Variants in UGGT1 observed in about 807,000 individuals in gnomAD.
UGGT1 encodes the protein UDP-glucose glycoprotein glucosyltransferase 1, also known as UDP-glucose:glycoprotein glucosyltransferase 1.
Under a neutral mutation model 203.9 loss-of-function variants are expected in UGGT1, and 107 were observed. The observed-to-expected ratio is 0.52, with a 90% CI of 0.45 to 0.62. The LOEUF (loss-of-function observed/expected upper bound fraction) is 0.62. Among genes scored for constraint, UGGT1 ranks in the 20% least tolerant of loss-of-function variants. The pLI is 0.00. For missense variants in UGGT1, 1,673 were observed against 1,867.2 expected (o/e 0.90, Z 1.92); for synonymous variants, 628 against 653.5 (o/e 0.96, Z 0.59).
In UGGT1 at chr2:128,121,295, C is replaced by A; in HGVS notation, c.1070C>A (p.Ala357Asp). The A allele has an allele frequency of 2.5e-6, 4 of 1,607,522 alleles. No homozygotes were observed. The highest frequency in any genetic ancestry group is 3.4e-6 in the Non-Finnish European group (4 of 1,177,016). ...KDLSQNFPTK[A>D]RAITKTAVSS... The stretch of plus-strand genomic sequence containing the variant: ...CTTAGTCAGAATTTTCCTACCAAAG[C>A]CAGGTAATGTAGAATAATGCTCTTC... Residue 357 changes from alanine (A) to aspartate (D), a missense_variant, in exon 10 of 41, where the codon GCC (alanine) becomes GAC (aspartate). Ala to Asp is a moderately radical substitution (Grantham distance 126). Coordinates refer to ENST00000259253, the MANE Select transcript of UGGT1 (RefSeq NM_020120.4).
intron 13 of UGGT1, among the ~76,000 whole-genome samples, 168 bp from the exon 14 acceptor site, chr2:128,132,973 C>T (rs1405460598): frequency 1.3e-5 from 2 of 152,136 alleles, no homozygotes; most frequent in African/African-American, 2.4e-5. Flanking sequence ...TTCCAAAGTG[C>T]TAGGATTACA....
At chr2:128,181,584 C>T (rs1016303045) in intron 36 of UGGT1, among the ~76,000 whole-genome samples, 3 of 152,108 alleles carry the variant, frequency 2.0e-5, no homozygotes, top group Admixed American at 6.5e-5. Context: ...CACTTCAGCC[C>T]GAGCGGGCGG....
At chr2:128,180,275 GT>G (rs1691623342) in intron 35 of UGGT1, among the ~76,000 whole-genome samples, 1 of 152,150 alleles carries the variant, frequency 6.6e-6, no homozygotes, top group Non-Finnish European at 1.5e-5. Flanking sequence ...AACAAAACAC[GT>G]ACTTGGAATG....
At chr2:128,134,090 G>T (rs1284351256) in intron 14 of UGGT1, among the ~76,000 whole-genome samples, 1 of 152,156 alleles carries the variant, frequency 6.6e-6, no homozygotes, top group Admixed American at 6.5e-5. Context: ...AGGCTGGAGT[G>T]CAGTGGCAGG....
chr2:128,164,421 C>G (rs2122115), intron 25 of UGGT1, among the ~76,000 whole-genome samples: 20,382 of 152,102 alleles, frequency 0.13, 1,770 homozygotes, highest in Non-Finnish European at 0.19. Context: ...TTTAAAAGGA[C>G]AAGGGAGAAT....
intron 13 of UGGT1, among the ~76,000 whole-genome samples, chr2:128,129,587 CG>C (rs374299212): frequency 6.0e-4 from 91 of 151,936 alleles, no homozygotes; most frequent in African/African-American, 2.1e-3. Context: ...TTAGTATAGA[CG>C]GGGTTTCACA....
chr2:128,108,154 C>T, intron 4 of UGGT1, 86 bp downstream of exon 4: 1 of 1,483,648 alleles, frequency 6.7e-7, no homozygotes, highest in South Asian at 1.3e-5. Flanking sequence ...AATTGAATTA[C>T]AGAGCTATTA....
At chr2:128,131,161 A>C (rs1364265849) in intron 13 of UGGT1, among the ~76,000 whole-genome samples, 1 of 138,814 alleles carries the variant, frequency 7.2e-6, no homozygotes, top group Non-Finnish European at 1.5e-5. Context: ...TGAATTCGGG[A>C]GGCAGAGGTT....
At position 128,113,268 on chromosome 2, in the gene UGGT1, G is replaced by A; in HGVS notation, c.696+10G>A. The A allele has an allele frequency of 6.4e-7, 1 of 1,573,240 alleles. No homozygotes were observed. The highest frequency in any genetic ancestry group is 8.7e-7 in the Non-Finnish European group (1 of 1,155,132). ...CAGACATTATATATTTGTAAGTATT[G>A]ACTTATTTTACACCTGTTTTGAATG... On this transcript the variant is annotated intron_variant, in intron 6 of 40. Coordinates refer to ENST00000259253, the MANE Select transcript of UGGT1 (RefSeq NM_020120.4).
chr2:128,112,240 A>G (rs1283796310), intron 5 of UGGT1, among the ~76,000 whole-genome samples: 5 of 150,976 alleles, frequency 3.3e-5, no homozygotes, highest in East Asian at 2.0e-4. Context: ...GGCCAACATG[A>G]TGAAACACTG....
chr2:128,169,274 G>A (rs959970390), intron 26 of UGGT1, among the ~76,000 whole-genome samples: 1 of 152,060 alleles, frequency 6.6e-6, no homozygotes, highest in African/African-American at 2.4e-5. Context: ...AGGAGGCTAA[G>A]TTGAGAGGAT....
chr2:128,137,813 T>C (rs114695828), intron 15 of UGGT1, among the ~76,000 whole-genome samples: 106 of 152,388 alleles, frequency 7.0e-4, no homozygotes, highest in African/African-American at 2.5e-3. Flanking sequence ...TCTTTGTCCA[T>C]TGAAATGCCT....
At chr2:128,117,991 TGTGAGAGA>T (rs1221774463) in intron 8 of UGGT1, among the ~76,000 whole-genome samples, 1 of 83,090 alleles carries the variant, frequency 1.2e-5, no homozygotes, top group Non-Finnish European at 3.2e-5. Context: ...TGTGTGTGTG[TGTGAGAGA>T]GAGAGAGAGA....
chr2:128,184,094 C>G (rs114115531), intron 38 of UGGT1, among the ~76,000 whole-genome samples: 2 of 152,122 alleles, frequency 1.3e-5, no homozygotes, highest in African/African-American at 4.8e-5. Flanking sequence ...TCAAACTAAT[C>G]TCATAGGTTT....
chr2:128,135,985 CAGA>C (rs1229013257), intron 15 of UGGT1, among the ~76,000 whole-genome samples: 2 of 152,284 alleles, frequency 1.3e-5, no homozygotes, highest in African/African-American at 2.4e-5. Flanking sequence ...TATAAGGACA[CAGA>C]AGAAGTTGGG....
intron 39 of UGGT1, among the ~76,000 whole-genome samples, chr2:128,187,065 T>C (rs1021871303): frequency 7.2e-5 from 11 of 152,158 alleles, no homozygotes; most frequent in Non-Finnish European, 4.4e-5. Context: ...AATATTCTTA[T>C]AAATATTCTT....
intron 18 of UGGT1, chr2:128,151,287 CT>C: frequency 1.7e-6 from 1 of 588,200 alleles, no homozygotes; most frequent in Non-Finnish European, 3.2e-6. Flanking sequence ...CCTTGGCCTG[CT>C]TCTTGGGCTG....
At chr2:128,174,176 T>C (rs1054912468) in intron 30 of UGGT1, among the ~76,000 whole-genome samples, 6 of 152,206 alleles carry the variant, frequency 3.9e-5, no homozygotes, top group Admixed American at 1.3e-4. Context: ...TGAAAATAGA[T>C]TGCTCATGAG....
intron 40 of UGGT1, among the ~76,000 whole-genome samples, chr2:128,187,913 AC>A (rs1692067078): frequency 1.3e-5 from 2 of 151,060 alleles, no homozygotes; most frequent in Non-Finnish European, 1.5e-5. Flanking sequence ...CATAAACCAA[AC>A]CTTTTGCAGA....
Sources: allele counts gnomAD v4.1 joint callset (sites outside exome capture counted in the v4.1 genomes callset), GRCh38; gene constraint gnomAD v4.1.1; transcripts MANE v1.5; gene names NCBI Gene and HGNC (gene_info 2026-07-23, HGNC 2026-07-21).